Variants in ADGRL3 observed in about 807,000 individuals in gnomAD.
ADGRL3 encodes adhesion G protein-coupled receptor L3.
Under a neutral mutation model 153.5 loss-of-function variants are expected in ADGRL3, and 62 were observed. The ratio of observed to expected loss-of-function variants is 0.40; its 90% CI spans 0.33 to 0.50. The LOEUF is 0.50. Ranked by LOEUF, ADGRL3 falls within the 20% of genes least tolerant of loss-of-function variation. ADGRL3 has a pLI of 0.47. For missense variants in ADGRL3, 1,641 were observed against 1,859.4 expected, an observed-to-expected ratio of 0.88 and a Z score of 2.16; for synonymous variants, 710 against 672.5, an observed-to-expected ratio of 1.06 and a Z score of -0.86.
intron 1 of ADGRL3, among the ~76,000 whole-genome samples, chr4:61,262,053 T>A (rs2092561076): frequency 6.6e-6 from 1 of 152,114 alleles, no homozygotes; most frequent in Non-Finnish European, 1.5e-5. Flanking sequence ...CAAAGGTTTA[T>A]TTTTGAGCAC....
chr4:61,397,467 C>T (rs1200514061), intron 2 of ADGRL3, among the ~76,000 whole-genome samples: 2 of 151,788 alleles, frequency 1.3e-5, no homozygotes, highest in Non-Finnish European at 2.9e-5. Context: ...CTTCTGTGGT[C>T]CTGCTTTTTC....
chr4:61,611,912 G>A (rs993439778), intron 5 of ADGRL3, among the ~76,000 whole-genome samples: 14 of 151,922 alleles, frequency 9.2e-5, no homozygotes, highest in Non-Finnish European at 7.4e-5. Context: ...GAGTAAGATC[G>A]TGTCTAAAAA....
chr4:62,029,998 G>A (rs183424736), intron 22 of ADGRL3, among the ~76,000 whole-genome samples: 13 of 151,552 alleles, frequency 8.6e-5, no homozygotes, highest in South Asian at 2.1e-4. Flanking sequence ...AAGCAAACAT[G>A]TAATATGTAA....
At chr4:61,461,908 C>A (rs2097824340) in intron 2 of ADGRL3, among the ~76,000 whole-genome samples, 1 of 151,890 alleles carries the variant, frequency 6.6e-6, no homozygotes, top group African/African-American at 2.4e-5. Flanking sequence ...ATTAATCTAC[C>A]CAGAAAGACT....
intron 3 of ADGRL3, among the ~76,000 whole-genome samples, chr4:61,505,450 C>A (rs1411188725): frequency 2.0e-5 from 3 of 151,930 alleles, no homozygotes; most frequent in African/African-American, 7.3e-5. Context: ...TTATAGGAGA[C>A]CTGTATACTG....
intron 1 of ADGRL3, among the ~76,000 whole-genome samples, chr4:61,333,805 G>A (rs2095622093): frequency 2.0e-5 from 3 of 151,822 alleles, no homozygotes; most frequent in African/African-American, 7.3e-5. Context: ...TTGTAAAGAG[G>A]GAGGCTCACT....
chr4:61,593,227 G>T (rs985510256), intron 5 of ADGRL3, among the ~76,000 whole-genome samples: 1 of 151,996 alleles, frequency 6.6e-6, no homozygotes, highest in Non-Finnish European at 1.5e-5. Flanking sequence ...AGTTGCTCTA[G>T]TTATTATTTT....
intron 1 of ADGRL3, among the ~76,000 whole-genome samples, chr4:61,235,039 T>C (rs1752296353): frequency 6.6e-6 from 1 of 152,120 alleles, no homozygotes; most frequent in African/African-American, 2.4e-5. Context: ...CCAGAAGAGA[T>C]GGAAATGAGC....
At chr4:61,692,072 C>T (rs1471371314) in intron 6 of ADGRL3, among the ~76,000 whole-genome samples, 1 of 152,042 alleles carries the variant, frequency 6.6e-6, no homozygotes, top group East Asian at 1.9e-4. Flanking sequence ...TCTTCTTTGT[C>T]TTAATCAGAA....
intron 4 of ADGRL3, among the ~76,000 whole-genome samples, chr4:61,557,752 G>A (rs2148915449): frequency 1.3e-5 from 2 of 151,614 alleles, no homozygotes; most frequent in Middle Eastern, 6.8e-3. Flanking sequence ...TATATACTTT[G>A]GCTATTTTGC....
chr4:61,757,020 G>T (rs1245891488), intron 8 of ADGRL3, among the ~76,000 whole-genome samples: 1 of 152,146 alleles, frequency 6.6e-6, no homozygotes, highest in Non-Finnish European at 1.5e-5. Flanking sequence ...GATTCGGTTT[G>T]CCAGAATTTT....
At chr4:61,723,285 G>C (rs2096271211) in intron 6 of ADGRL3, among the ~76,000 whole-genome samples, 1 of 152,126 alleles carries the variant, frequency 6.6e-6, no homozygotes, top group East Asian at 1.9e-4. Flanking sequence ...TTTATAGCAT[G>C]GTCATAATAG....
Position 61,201,026 on chromosome 4 carries a change from G to T in ADGRL3, c.-979G>T, listed in dbSNP as rs1203937901. Among the ~76,000 whole-genome samples, 1 of 152,184 alleles carries T rather than the reference G, an allele frequency of 6.6e-6. No individual in the cohort carries two copies. Among genetic ancestry groups the T allele is most frequent in the African/African-American group, 2.4e-5 (1 of 41,470 alleles). On this transcript the variant is annotated 5_prime_UTR_variant, in exon 1 of 27. Coordinates refer to ENST00000683033, the MANE Select transcript of ADGRL3 (RefSeq NM_001387552.1). The stretch of plus-strand genomic sequence containing the variant: ...CGCGGAGGTTGCGGGCTTGAGAGGG[G>T]ACCCTCGGCTGGGAGAGAGCCTCGG...
intron 5 of ADGRL3, among the ~76,000 whole-genome samples, chr4:61,675,943 C>T (rs1488731224): frequency 1.3e-5 from 2 of 151,344 alleles, no homozygotes; most frequent in Non-Finnish European, 2.9e-5. Flanking sequence ...TCTTCACTTC[C>T]TCCCCCCTCT....
intron 2 of ADGRL3, among the ~76,000 whole-genome samples, chr4:61,457,851 CAGAT>C (rs149992520): frequency 0.21 from 30,325 of 146,008 alleles, 3,265 homozygotes; most frequent in African/African-American, 0.28. Context: ...TCACAGATGA[CAGAT>C]AGATAGATAG....
At chr4:61,452,398 CA>C (rs1370730678) in intron 2 of ADGRL3, among the ~76,000 whole-genome samples, 1 of 152,104 alleles carries the variant, frequency 6.6e-6, no homozygotes, top group Non-Finnish European at 1.5e-5. Flanking sequence ...AACCTGGCTG[CA>C]AAAAACATCT....
intron 8 of ADGRL3, among the ~76,000 whole-genome samples, chr4:61,767,040 G>C (rs1481436853): frequency 1.3e-5 from 2 of 151,918 alleles, no homozygotes; most frequent in African/African-American, 4.8e-5. Flanking sequence ...TGTGGGATGG[G>C]ATATTGGCGT....
intron 21 of ADGRL3, among the ~76,000 whole-genome samples, chr4:62,007,653 T>A (rs1458280766): frequency 6.6e-6 from 1 of 151,324 alleles, no homozygotes; most frequent in Non-Finnish European, 1.5e-5. Flanking sequence ...TCCAGCTAGA[T>A]ACCACAACAT....
At chr4:61,546,214 T>A (rs1362402290) in intron 4 of ADGRL3, among the ~76,000 whole-genome samples, 1 of 152,210 alleles carries the variant, frequency 6.6e-6, no homozygotes. Context: ...AACTTTACTC[T>A]TCGGATGAAA....
Sources: gnomAD v4.1 joint callset for allele counts (sites outside exome capture counted in the v4.1 genomes callset) on GRCh38, gnomAD v4.1.1 for gene constraint, MANE v1.5 for transcripts, NCBI Gene and HGNC (gene_info 2026-07-23, HGNC 2026-07-21) for gene names.